PKD1L1: variants seen among roughly 807,000 people sequenced by gnomAD.
PKD1L1 encodes polycystin-1-like protein 1.
In PKD1L1, 236 loss-of-function variants were observed where a neutral mutation model predicts 323.4. That is an observed-to-expected ratio of 0.73 (90% CI 0.66 to 0.81). PKD1L1 has a LOEUF of 0.81. PKD1L1 is among the 40% of genes least tolerant of loss of function. PKD1L1 has a pLI of 0.00. For synonymous variants in PKD1L1, 1,344 were observed against 1,335.0 expected (o/e 1.01, Z -0.15); for missense variants, 3,320 against 3,508.0 (o/e 0.95, Z 1.35).
At chr7:47,806,614 T>C (rs1462741235) in intron 52 of PKD1L1, among the ~76,000 whole-genome samples, 1 of 152,254 alleles carries the variant, frequency 6.6e-6, no homozygotes. Flanking sequence ...CATTCTCTAT[T>C]CTGCAGTTTC....
At chr7:47,792,520 T>C in intron 56 of PKD1L1, 107 bp downstream of exon 56, 2 of 1,132,766 alleles carry the variant, frequency 1.8e-6, no homozygotes, top group Non-Finnish European at 2.5e-6. Flanking sequence ...CTAAAGAATA[T>C]TTATGCAAAT....
At chr7:47,814,103 G>C in intron 47 of PKD1L1, 89 bp from the exon 48 acceptor site, 2 of 992,202 alleles carry the variant, frequency 2.0e-6, no homozygotes, top group Non-Finnish European at 3.1e-6. Context: ...TGGGGCTCTG[G>C]GTAACTCCAC....
intron 41 of PKD1L1, 69 bp from the exon 42 acceptor site, chr7:47,831,421 G>A (rs1158174840): frequency 2.0e-5 from 31 of 1,537,690 alleles, no homozygotes; most frequent in African/African-American, 2.8e-5. Flanking sequence ...GCGGAGTGTG[G>A]TGGTGAATCT....
At chr7:47,784,618 G>T (rs540929540) in intron 56 of PKD1L1, among the ~76,000 whole-genome samples, 13 of 151,796 alleles carry the variant, frequency 8.6e-5, no homozygotes, top group Non-Finnish European at 1.5e-4. Flanking sequence ...GATTACAGGC[G>T]CCCACCATTA....
In PKD1L1 at chr7:47,834,349, T is replaced by C. The variant is rs1302795462; in HGVS notation, c.6164A>G (p.Glu2055Gly). Residue 2055 changes from glutamate (E) to glycine (G), a missense_variant, in exon 40 of 57, where the codon GAG becomes GGG. By Grantham distance (98) the Glu-to-Gly change is moderately conservative (BLOSUM62 -2). Coordinates refer to ENST00000289672, the MANE Select transcript of PKD1L1 (RefSeq NM_138295.5). ...TAATGATTGATTTACCTTGCGTGGCTCCTGTGCGTCTGGTATCCTTCCCCA... is the reference window on the plus strand; with the variant it reads ...TAATGATTGATTTACCTTGCGTGGCCCCTGTGCGTCTGGTATCCTTCCCCA... ...NSWGRIPDAQ[E>G]PRKQPASAIL... 1.9e-6 allele frequency: 3 copies of C among 1,613,846 alleles called. No individual in the cohort carries two copies. Among genetic ancestry groups the C allele is most frequent in the South Asian group, 2.2e-5 (2 of 91,074 alleles).
chr7:47,832,948 G>A, intron 41 of PKD1L1, 142 bp downstream of exon 41: 1 of 1,109,696 alleles, frequency 9.0e-7, no homozygotes, highest in Non-Finnish European at 1.2e-6. Context: ...AGTTTTGGGT[G>A]GGCCCATGCC....
At chr7:47,872,635 A>T (rs141725302) in intron 24 of PKD1L1, among the ~76,000 whole-genome samples, 1 of 152,344 alleles carries the variant, frequency 6.6e-6, no homozygotes, top group Non-Finnish European at 1.5e-5. Context: ...CCAAACCTTA[A>T]TGGGATACCA....
chr7:47,865,239 C>A lies in PKD1L1; in HGVS notation c.4126G>T (p.Asp1376Tyr). The A allele has an allele frequency of 6.2e-7, 1 of 1,613,414 alleles. No homozygotes were observed. The highest frequency in any genetic ancestry group is 8.5e-7 in the Non-Finnish European group (1 of 1,179,722). Residue 1376 changes from aspartate to tyrosine, a missense_variant, in exon 26 of 57, where the codon GAC (aspartate) becomes TAC (tyrosine). Asp to Tyr is a radical substitution (Grantham distance 160). Coordinates refer to ENST00000289672, the MANE Select transcript of PKD1L1 (RefSeq NM_138295.5). ...EMIGSVLMLR[D>Y]LVSFSNKLGF... ...ACCTTATTAGAGAAGCTCACGAGGT[C>A]CCTCAACATAAGAACAGAACCAATC...
chr7:47,860,806 T>C (rs1032048722), intron 26 of PKD1L1, among the ~76,000 whole-genome samples: 18 of 95,542 alleles, frequency 1.9e-4, no homozygotes, highest in African/African-American at 5.9e-4. Context: ...GGTTCAGAGA[T>C]GCACAAGAGG....
At chr7:47,881,854 A>C (rs938347659) in intron 20 of PKD1L1, 55 bp downstream of exon 20, 2 of 1,487,726 alleles carry the variant, frequency 1.3e-6, no homozygotes, top group Non-Finnish European at 1.8e-6. Flanking sequence ...GAGGGCTGAT[A>C]TCTAAAAGCT....
intron 24 of PKD1L1, among the ~76,000 whole-genome samples, chr7:47,869,971 A>T (rs937819826): frequency 1.1e-4 from 17 of 152,150 alleles, no homozygotes; most frequent in Non-Finnish European, 1.3e-4. Flanking sequence ...AAAGTAAAAA[A>T]CATACTCCTA....
At chr7:47,863,642 T>C (rs1786084289) in intron 26 of PKD1L1, among the ~76,000 whole-genome samples, 1 of 151,938 alleles carries the variant, frequency 6.6e-6, no homozygotes, top group Non-Finnish European at 1.5e-5. Context: ...AGGTGTCCAG[T>C]GGATTTGGCC....
chr7:47,793,330 T>A (rs996664700), intron 55 of PKD1L1, among the ~76,000 whole-genome samples: 2 of 152,224 alleles, frequency 1.3e-5, no homozygotes, highest in African/African-American at 4.8e-5. Flanking sequence ...GAATTGTATC[T>A]CCCAGAATTC....
chr7:47,790,385 C>G (rs943468610), intron 56 of PKD1L1, among the ~76,000 whole-genome samples: 1 of 151,172 alleles, frequency 6.6e-6, no homozygotes. Context: ...GCTGGAGGTG[C>G]AGTGGCACAA....
At chr7:47,907,377 G>T (rs1787227499) in intron 9 of PKD1L1, among the ~76,000 whole-genome samples, 1 of 152,194 alleles carries the variant, frequency 6.6e-6, no homozygotes, top group Non-Finnish European at 1.5e-5. Context: ...TTGTTGCAAA[G>T]TGTAGGGACT....
intron 45 of PKD1L1, among the ~76,000 whole-genome samples, chr7:47,824,373 A>G (rs559849928): frequency 6.6e-6 from 1 of 152,334 alleles, no homozygotes; most frequent in South Asian, 2.1e-4. Flanking sequence ...GGATACCAGG[A>G]ATGACAGAAT....
intron 56 of PKD1L1, 88 bp downstream of exon 56, chr7:47,792,539 T>C: frequency 7.6e-7 from 1 of 1,323,260 alleles, no homozygotes; most frequent in South Asian, 1.4e-5. Context: ...ATGGACCTTA[T>C]AATTTGGAAA....
rs1562967528 is a variant in PKD1L1 at position 47,873,676 on chromosome 7, G to GAAAAA, written c.3896+222_3896+223insTTTTT. ...AAAAAAAAAAAAAAAAAAAAAGAAG[G>GAAAAA]AGAAGAAAGTAGCTTTATAGGCTCT... On this transcript the variant is annotated intron_variant, in intron 24 of 56. Transcript: ENST00000289672. 2.4e-4 allele frequency among the ~76,000 whole-genome samples: 31 copies of GAAAAA among 131,898 alleles called. 2 individuals carry two copies. Among genetic ancestry groups the GAAAAA allele is most frequent in the African/African-American group, 4.2e-4 (14 of 33,390 alleles). 86.5% of individuals were successfully genotyped at this position (131,898 alleles called of 152,430 possible). A position where few individuals can be genotyped will look rare whatever the true frequency, so the allele number is the denominator to read the frequency against.
intron 56 of PKD1L1, among the ~76,000 whole-genome samples, chr7:47,781,949 A>G (rs1459119423): frequency 2.5e-4 from 38 of 152,140 alleles, no homozygotes; most frequent in Admixed American, 2.5e-3. Context: ...TTGCTTCAGC[A>G]CCTTTGTCAA....
Sources: allele counts gnomAD v4.1 joint callset (sites outside exome capture counted in the v4.1 genomes callset), GRCh38; gene constraint gnomAD v4.1.1; transcripts MANE v1.5; gene names NCBI Gene and HGNC (gene_info 2026-07-23, HGNC 2026-07-21).